CENPP: variants seen among roughly 807,000 people sequenced by gnomAD.
The protein encoded by CENPP is centromere protein P.
CENPP carries 24 observed loss-of-function variants against 35.6 expected under a neutral mutation model. The observed-to-expected ratio is 0.67, with a 90% confidence interval of 0.49 to 0.95. The LOEUF is 0.95. CENPP is among the 40% of genes least tolerant of loss of function. The pLI is 0.00. For synonymous variants in CENPP, 120 were observed against 125.5 expected (o/e 0.96, Z 0.29); for missense variants, 332 against 345.3 (o/e 0.96, Z 0.31).
intron 1 of CENPP, among the ~76,000 whole-genome samples, chr9:92,326,658 G>A (rs780255998): frequency 4.6e-5 from 7 of 152,214 alleles, no homozygotes; most frequent in Non-Finnish European, 5.9e-5. Context: ...AGAGAAGTTA[G>A]GTAGCTTGTC....
In CENPP at chr9:92,441,708, G is replaced by A. The variant is rs549097122; in HGVS notation, c.564+61849G>A. ...GTGGAGGTGGAGGTTGCAGTGAGCC[G>A]AGATCGCGCCACTGCACTCCAGCCT... On this transcript the variant is annotated intron_variant, in intron 5 of 7. Transcript: ENST00000375587. 5.9e-5 allele frequency among the ~76,000 whole-genome samples: 9 copies of A among 152,264 alleles called. No homozygotes were observed. In the East Asian group the frequency reaches 1.4e-3, roughly 23 times the overall value.
At chr9:92,598,797 A>T (rs1317063829) in intron 5 of CENPP, among the ~76,000 whole-genome samples, 3 of 150,512 alleles carry the variant, frequency 2.0e-5, no homozygotes, top group African/African-American at 7.4e-5. Flanking sequence ...AAAATGAACT[A>T]TGATGAAACA....
intron 5 of CENPP, among the ~76,000 whole-genome samples, chr9:92,494,323 A>G (rs1003745445): frequency 6.6e-6 from 1 of 152,194 alleles, no homozygotes; most frequent in Non-Finnish European, 1.5e-5. Context: ...GTTTATATTC[A>G]TACATCAATA....
chr9:92,371,485 G>C (rs1026712452), intron 4 of CENPP, among the ~76,000 whole-genome samples: 1 of 152,258 alleles, frequency 6.6e-6, no homozygotes, highest in Admixed American at 6.5e-5. Context: ...CACATGCTAT[G>C]ATTTTGATTT....
At chr9:92,479,843 C>G (rs556958117) in intron 5 of CENPP, among the ~76,000 whole-genome samples, 4 of 152,120 alleles carry the variant, frequency 2.6e-5, no homozygotes, top group Non-Finnish European at 4.4e-5. Context: ...TCTTCCACTG[C>G]TTTGTTAATA....
intron 5 of CENPP, among the ~76,000 whole-genome samples, chr9:92,552,194 C>T (rs868514961): frequency 0.011 from 1,594 of 140,754 alleles, 89 homozygotes; most frequent in African/African-American, 0.038. Flanking sequence ...ATCATATACA[C>T]ACACACACAC....
intron 5 of CENPP, among the ~76,000 whole-genome samples, chr9:92,419,520 C>T (rs1358019339): frequency 1.3e-5 from 2 of 152,044 alleles, no homozygotes; most frequent in South Asian, 2.1e-4. Flanking sequence ...AGGCTGCTCT[C>T]GAACTCCTGA....
chr9:92,618,164 CGG>C lies in CENPP; in HGVS notation c.*5016_*5017del, dbSNP rs1851502876. 3 of 451,264 alleles carry C rather than the reference CGG, an allele frequency of 6.6e-6. No homozygotes were observed. Among genetic ancestry groups the C allele is most frequent in the African/African-American group, 6.0e-5 (3 of 49,904 alleles). The allele number at this position is 451,264 out of a possible 1,614,324, so 28.0% of individuals were successfully genotyped here. A position where few individuals can be genotyped will look rare whatever the true frequency, so the allele number is the denominator to read the frequency against. On this transcript the variant is annotated 3_prime_UTR_variant, in exon 8 of 8. Transcript: ENST00000375587. ...GGCCCAGCCCCACACGCCATGTTCT[CGG>C]AGGAGAAGCCTTCTCTGAGATCCTC...
intron 5 of CENPP, among the ~76,000 whole-genome samples, chr9:92,561,813 A>G (rs1382532746): frequency 6.6e-6 from 1 of 152,230 alleles, no homozygotes; most frequent in Non-Finnish European, 1.5e-5. Flanking sequence ...AAAGAAGCCA[A>G]TATGAATGAG....
chr9:92,530,677 T>A (rs1003050901), intron 5 of CENPP, among the ~76,000 whole-genome samples: 1 of 152,222 alleles, frequency 6.6e-6, no homozygotes, highest in East Asian at 1.9e-4. Context: ...CTACTTTGTC[T>A]AATATTAATG....
In CENPP at chr9:92,385,614, T is replaced by C. The variant is rs769692036; in HGVS notation, c.564+5755T>C. The C allele has an allele frequency of 6.2e-6, 10 of 1,612,586 alleles. 1 individual carries two copies. Among genetic ancestry groups the C allele is most frequent in the South Asian group, 4.4e-5 (4 of 91,010 alleles). On this transcript the variant is annotated intron_variant, in intron 5 of 7. Coordinates refer to ENST00000375587, the MANE Select transcript of CENPP (RefSeq NM_001012267.3). ...TACTTTCATTTATATGTTGTACCAATAGAGGTTAAAAGTATGACCCTATCG... is the reference window on the plus strand; with the variant it reads ...TACTTTCATTTATATGTTGTACCAACAGAGGTTAAAAGTATGACCCTATCG...
intron 5 of CENPP, among the ~76,000 whole-genome samples, chr9:92,571,073 A>G (rs1047819392): frequency 2.6e-5 from 4 of 151,620 alleles, no homozygotes; most frequent in Non-Finnish European, 5.9e-5. Context: ...TTGTGTCTCT[A>G]TCTCCTTCAG....
intron 5 of CENPP, among the ~76,000 whole-genome samples, chr9:92,562,490 G>T (rs1470817512): frequency 6.6e-6 from 1 of 152,050 alleles, no homozygotes; most frequent in Non-Finnish European, 1.5e-5. Context: ...ACAGGTATGA[G>T]CCACCGCGCC....
chr9:92,356,300 GATTT>G (rs1259324034), intron 4 of CENPP, among the ~76,000 whole-genome samples: 1 of 152,152 alleles, frequency 6.6e-6, no homozygotes, highest in Non-Finnish European at 1.5e-5. Flanking sequence ...GTGAGAAAAA[GATTT>G]ATTAATGTAG....
At chr9:92,434,929 G>A (rs984123574) in intron 5 of CENPP, among the ~76,000 whole-genome samples, 3 of 152,124 alleles carry the variant, frequency 2.0e-5, no homozygotes, top group Admixed American at 2.0e-4. Context: ...GTGCACGCCT[G>A]TAATCCCAGC....
intron 4 of CENPP, among the ~76,000 whole-genome samples, chr9:92,352,231 G>T (rs1244969418): frequency 1.3e-5 from 2 of 150,140 alleles, no homozygotes; most frequent in East Asian, 2.0e-4. Context: ...TTAGCTGAGT[G>T]TGGTGGTGGG....
Position 92,517,132 on chromosome 9 carries a change from T to G in CENPP, c.565-94182T>G, listed in dbSNP as rs148458242. 1.2e-3 allele frequency: 192 copies of G among 157,202 alleles called. 1 individual carries two copies. The highest frequency in any genetic ancestry group is 0.012 in the East Asian group (64 of 5,314). 9.7% of individuals were successfully genotyped at this position (157,202 alleles called of 1,614,324 possible). On this transcript the variant is annotated intron_variant, in intron 5 of 7. Transcript: ENST00000375587. ...CGCTGTGATCTCCTGCACACAGAAG[T>G]GCCACATGAGAAAATCATGCTTCAG...
chr9:92,358,050 A>C (rs1194107834), intron 4 of CENPP, among the ~76,000 whole-genome samples: 1 of 151,252 alleles, frequency 6.6e-6, no homozygotes, highest in Non-Finnish European at 1.5e-5. Flanking sequence ...CTCTATGTGG[A>C]TCTCTTAGTT....
rs1370722904 is a variant in CENPP at position 92,505,778 on chromosome 9, C to T, written c.565-105536C>T. On this transcript the variant is annotated intron_variant, in intron 5 of 7. Coordinates refer to ENST00000375587, the MANE Select transcript of CENPP (RefSeq NM_001012267.3). ...CTTTTGAAATGTCATGTGAAATGGC[C>T]GGTTTATTTGGAGGGCAAATACAGT... The T allele has an allele frequency of 1.3e-5, 14 of 1,111,820 alleles. No homozygotes were observed. The East Asian group carries it at 1.6e-4, about 12-fold the overall frequency. The allele number at this position is 1,111,820 out of a possible 1,614,324, so 68.9% of individuals were successfully genotyped here.
Sources: allele counts gnomAD v4.1 joint callset (sites outside exome capture counted in the v4.1 genomes callset), GRCh38; gene constraint gnomAD v4.1.1; transcripts MANE v1.5; gene names NCBI Gene and HGNC (gene_info 2026-07-23, HGNC 2026-07-21).